ELMOD3: variants seen among roughly 807,000 people sequenced by gnomAD.
ELMOD3 encodes the protein ELMO domain containing 3.
In ELMOD3, 36 loss-of-function variants were observed where a neutral mutation model predicts 47.4. That is an observed-to-expected ratio of 0.76 (90% CI 0.58 to 1.00). The LOEUF is 1.00. ELMOD3 is among the 50% of genes least tolerant of loss of function. The pLI is 0.00. For missense variants in ELMOD3, 404 were observed against 463.8 expected (o/e 0.87, Z 1.18); for synonymous variants, 149 against 183.5 (o/e 0.81, Z 1.52).
intron 6 of ELMOD3, among the ~76,000 whole-genome samples, chr2:85,364,037 A>C (rs563661491): frequency 2.9e-4 from 44 of 152,162 alleles, no homozygotes; most frequent in African/African-American, 9.9e-4. Context: ...GCTGAGGCAC[A>C]AGAATTGCAT....
At chr2:85,362,148 A>G (rs1163755460) in intron 4 of ELMOD3, 38 bp from the exon 5 acceptor site, 1 of 1,213,858 alleles carries the variant, frequency 8.2e-7, no homozygotes, top group East Asian at 2.3e-5. Context: ...TGGGGGATTA[A>G]TATGTGCCTA....
Position 85,390,826 on chromosome 2 carries a change from G to T in ELMOD3, c.1010G>T (p.Arg337Met), listed in dbSNP as rs748617515. Residue 337 changes from arginine (R) to methionine (M), a missense_variant, in exon 14 of 14, where the codon AGG becomes ATG. Arg to Met is a moderately conservative substitution (Grantham distance 91, BLOSUM62 -1). Transcript: ENST00000409013. ...LLKTLELYLA[R>M]VSKGQASLLG... The stretch of plus-strand genomic sequence containing the variant: ...AAGACCCTGGAGCTGTACTTGGCCA[G>T]GGTGTCAAAGGGACAGGCCTCCTTG... The T allele has an allele frequency of 2.2e-4, 347 of 1,551,530 alleles. No homozygotes were observed. The highest frequency in any genetic ancestry group is 2.9e-4 in the Non-Finnish European group (338 of 1,147,016).
rs1249457524 is a variant in ELMOD3 at position 85,376,943 on chromosome 2, G to A, written c.608-401G>A. ...TAAGTCTGTCTTCCCTCCTTTCAGAGCCTTCTGTTTATTTTATATAGTAAT... is the reference window on the plus strand; with the variant it reads ...TAAGTCTGTCTTCCCTCCTTTCAGAACCTTCTGTTTATTTTATATAGTAAT... On this transcript the variant is annotated intron_variant, in intron 10 of 13. Transcript: ENST00000409013. The surrounding 1 kb of genome is among the most constrained non-coding windows in gnomAD (Gnocchi z 4.2). The A allele has an allele frequency of 6.5e-6, 1 of 152,868 alleles. No individual in the cohort carries two copies. The highest frequency in any genetic ancestry group is 2.4e-5 in the African/African-American group (1 of 41,488). The allele number at this position is 152,868 out of a possible 1,614,324, so 9.5% of individuals were successfully genotyped here.
rs1317863502 is a variant in ELMOD3 at position 85,390,751 on chromosome 2, CT to C, written c.944-8del. 1.2e-5 allele frequency: 19 copies of C among 1,550,254 alleles called. No individual in the cohort carries two copies. Among genetic ancestry groups the C allele is most frequent in the Non-Finnish European group, 1.6e-5 (18 of 1,146,924 alleles). On this transcript the variant is annotated splice_polypyrimidine_tract_variant and splice_region_variant and intron_variant, in intron 13 of 13. Coordinates refer to ENST00000409013, the MANE Select transcript of ELMOD3 (RefSeq NM_001135022.2). ...CAAGCCTTCTGCTCCCCAATTCTCT[CT>C]GTTGCAGAGTTGGAAGTATTGGCCA...
intron 4 of ELMOD3, among the ~76,000 whole-genome samples, chr2:85,358,498 A>G (rs1239323558): frequency 6.6e-6 from 1 of 152,088 alleles, no homozygotes; most frequent in Non-Finnish European, 1.5e-5. Context: ...CTACATGAAC[A>G]AAGGGATGGA....
intron 4 of ELMOD3, among the ~76,000 whole-genome samples, chr2:85,358,820 C>G (rs1489712212): frequency 1.3e-5 from 2 of 152,178 alleles, no homozygotes; most frequent in Non-Finnish European, 2.9e-5. Flanking sequence ...CCACCTTCCA[C>G]CCTTGTCCCC....
intron 5 of ELMOD3, 43 bp downstream of exon 5, chr2:85,362,303 G>C (rs1383109832): frequency 8.3e-7 from 1 of 1,199,492 alleles, no homozygotes; most frequent in Non-Finnish European, 1.2e-6. Context: ...CAGGGCTTTT[G>C]TTGTGTGTTA....
intron 11 of ELMOD3, among the ~76,000 whole-genome samples, chr2:85,378,181 C>T (rs6731223): frequency 0.88 from 133,966 of 152,284 alleles, 59,038 homozygotes; most frequent in Middle Eastern, 0.96. Flanking sequence ...TATTTAAGAA[C>T]GTTAGCAGAG....
intron 8 of ELMOD3, among the ~76,000 whole-genome samples, chr2:85,370,058 G>A (rs1684683437): frequency 6.6e-6 from 1 of 152,112 alleles, no homozygotes; most frequent in South Asian, 2.1e-4. Context: ...CTGTATAGCT[G>A]TTTATCTACT....
chr2:85,359,183 C>T (rs1032673485), intron 4 of ELMOD3, among the ~76,000 whole-genome samples: 4 of 152,080 alleles, frequency 2.6e-5, no homozygotes, highest in African/African-American at 9.7e-5. Flanking sequence ...GTAAACATGT[C>T]GGTTTTGCAC....
intron 4 of ELMOD3, among the ~76,000 whole-genome samples, chr2:85,360,457 C>CA (rs1386055511): frequency 6.6e-6 from 1 of 151,654 alleles, no homozygotes; most frequent in Non-Finnish European, 1.5e-5. Context: ...AGGTTGAAGC[C>CA]ATTCTCGTGC....
chr2:85,390,601 C>A lies in ELMOD3; in HGVS notation c.944-159C>A, dbSNP rs1686281662. ...CCTGTGGCTGTAGCTGGCTCCCTAG[C>A]CTACCTCTCTGGTGATCTCTCCATC... On this transcript the variant is annotated intron_variant, in intron 13 of 13. Transcript: ENST00000409013. The A allele has an allele frequency of 6.5e-6, 10 of 1,529,418 alleles. No homozygotes were observed. The South Asian group carries it at 1.2e-4, about 18-fold the overall frequency. 94.7% of individuals were successfully genotyped at this position (1,529,418 alleles called of 1,614,324 possible). A position where few individuals can be genotyped will look rare whatever the true frequency, so the allele number is the denominator to read the frequency against.
chr2:85,390,542 T>C, intron 13 of ELMOD3: 1 of 1,575,604 alleles, frequency 6.3e-7, no homozygotes. Context: ...CTATTCAAAG[T>C]TGCAATTGTG....
intron 13 of ELMOD3, chr2:85,390,543 T>TA: frequency 6.4e-7 from 1 of 1,573,002 alleles, no homozygotes; most frequent in Non-Finnish European, 8.6e-7. Context: ...TATTCAAAGT[T>TA]GCAATTGTGC....
intron 6 of ELMOD3, among the ~76,000 whole-genome samples, chr2:85,365,357 A>T (rs72840079): frequency 0.18 from 27,530 of 150,526 alleles, 3,285 homozygotes; most frequent in Non-Finnish European, 0.27. Context: ...CTCAAAAAAA[A>T]ATATATATAT....
intron 9 of ELMOD3, 114 bp from the exon 10 acceptor site, chr2:85,371,326 G>A: frequency 6.2e-7 from 1 of 1,600,338 alleles, no homozygotes; most frequent in South Asian, 1.1e-5. Context: ...TGGCGGGTGA[G>A]AGTGGGAGCT....
Position 85,389,449 on chromosome 2 carries a change from C to CG in ELMOD3, c.739-299dup, listed in dbSNP as rs1686166349. 9.5e-6 allele frequency: 4 copies of CG among 420,584 alleles called. No homozygotes were observed. In the South Asian group the frequency reaches 1.1e-4, roughly 12 times the overall value. 26.1% of individuals were successfully genotyped at this position (420,584 alleles called of 1,614,324 possible). A position where few individuals can be genotyped will look rare whatever the true frequency, so the allele number is the denominator to read the frequency against. On this transcript the variant is annotated intron_variant, in intron 11 of 13. Transcript: ENST00000409013. ...TCTGCTGCAGGCCAAGGAGAGCTGA[C>CG]GGGTCAGGATGATGAAGAGGCTGGA...
intron 6 of ELMOD3, among the ~76,000 whole-genome samples, chr2:85,364,582 CAA>C (rs754211534): frequency 1.7e-4 from 21 of 124,698 alleles, no homozygotes; most frequent in Admixed American, 3.3e-4. Flanking sequence ...GACTCCATCT[CAA>C]AAAAAAAAAA....
At chr2:85,369,965 T>G (rs1444718621) in intron 8 of ELMOD3, 135 bp downstream of exon 8, 1 of 1,094,562 alleles carries the variant, frequency 9.1e-7, no homozygotes, top group Admixed American at 2.8e-5. Context: ...ATGGGTGGCC[T>G]AGGACCCATG....
Sources: allele counts gnomAD v4.1 joint callset (sites outside exome capture counted in the v4.1 genomes callset), GRCh38; gene constraint gnomAD v4.1.1; non-coding constraint Gnocchi (gnomAD v3.1); transcripts MANE v1.5; gene names NCBI Gene and HGNC (gene_info 2026-07-23, HGNC 2026-07-21).